DMD: variants seen among roughly 807,000 people sequenced by gnomAD.
DMD encodes dystrophin, also known as mutant dystrophin.
Under a neutral mutation model 330.1 loss-of-function variants are expected in DMD, and 63 were observed. That is an observed-to-expected ratio of 0.19 (90% CI 0.16 to 0.24). The LOEUF (loss-of-function observed/expected upper bound fraction) is 0.24. Among genes scored for constraint, DMD ranks in the 10% least tolerant of loss-of-function variants. The pLI is 1.00. For missense variants in DMD, 3,344 were observed against 2,684.1 expected (o/e 1.25, Z -5.43); for synonymous variants, 1,223 against 959.8 (o/e 1.27, Z -5.07).
At chrX:32,042,715 G>A (rs150928472) in intron 44 of DMD, among the ~76,000 whole-genome samples, 2,337 of 111,670 alleles carry the variant, frequency 0.021, 59 homozygotes, top group African/African-American at 0.072. Context: ...GGTTGCCTAC[G>A]GCTGTACAAG....
At chrX:33,224,420 C>T (rs1231740262) in intron 1 of DMD, among the ~76,000 whole-genome samples, 1 of 111,671 alleles carries the variant, frequency 9.0e-6, no homozygotes, top group African/African-American at 3.3e-5. Context: ...CATGAAAATA[C>T]ACTAAGGAAA....
intron 1 of DMD, among the ~76,000 whole-genome samples, chrX:33,301,171 G>C (rs1363453006): frequency 2.7e-5 from 3 of 111,179 alleles, no homozygotes; most frequent in African/African-American, 9.8e-5. Flanking sequence ...CTGATTTAGG[G>C]AGAAGCATGA....
chrX:32,787,232 G>GTGTGTGTT (rs2075438796), intron 7 of DMD, among the ~76,000 whole-genome samples: 1 of 100,471 alleles, frequency 1.0e-5, no homozygotes, highest in Non-Finnish European at 2.1e-5. Context: ...GTGTGTGTGT[G>GTGTGTGTT]TGTGTGTGTG....
intron 60 of DMD, among the ~76,000 whole-genome samples, chrX:31,360,456 T>C (rs1427407898): frequency 8.9e-6 from 1 of 112,117 alleles, no homozygotes; most frequent in African/African-American, 3.2e-5. Context: ...TTTTTGCCAT[T>C]GAAGGTAATG....
intron 34 of DMD, among the ~76,000 whole-genome samples, chrX:32,377,550 G>A (rs1304577025): frequency 8.9e-6 from 1 of 111,765 alleles, no homozygotes; most frequent in Non-Finnish European, 1.9e-5. Context: ...ACATACACAT[G>A]AATATGAAGC....
In DMD at chrX:31,126,817, A is replaced by C. The variant is rs1465111491; in HGVS notation, c.11015-144T>G. On this transcript the variant is annotated intron_variant, in intron 77 of 78. Coordinates refer to ENST00000357033, the MANE Select transcript of DMD (RefSeq NM_004006.3). ...ATTCTCTGCTGGAAAAAAAAAAAAAAAAAAAAACAGAAACAAAAAACCCAA... is the reference window on the plus strand; with the variant it reads ...ATTCTCTGCTGGAAAAAAAAAAAAACAAAAAAACAGAAACAAAAAACCCAA... 1.4e-5 allele frequency: 7 copies of C among 492,802 alleles called. 1 individual carries two copies. In the East Asian group the frequency reaches 2.2e-4, roughly 16 times the overall value. The allele number at this position is 492,802 out of a possible 1,213,427, so 40.6% of individuals were successfully genotyped here.
In DMD at chrX:31,841,724, G is replaced by A. The variant is rs758503325; in HGVS notation, c.7099-4905C>T. ...AGGGAACAACAAAGCCTGGATGATAGCACATCTCTTTACAGCATGGTTTAC... is the reference window on the plus strand; with the variant it reads ...AGGGAACAACAAAGCCTGGATGATAACACATCTCTTTACAGCATGGTTTAC... On this transcript the variant is annotated intron_variant, in intron 48 of 78. Coordinates refer to ENST00000357033, the MANE Select transcript of DMD (RefSeq NM_004006.3). Among the ~76,000 whole-genome samples, 8 of 112,400 alleles carry A rather than the reference G, an allele frequency of 7.1e-5. No homozygotes were observed. The South Asian group carries it at 3.0e-3, about 42-fold the overall frequency.
chrX:31,656,259 A>T (rs1238692356), intron 54 of DMD, among the ~76,000 whole-genome samples: 1 of 112,565 alleles, frequency 8.9e-6, no homozygotes, highest in Non-Finnish European at 1.9e-5. Flanking sequence ...AAGTAAGTAT[A>T]TGCATTCCTT....
At chrX:32,405,078 TGTC>T (rs981074908) in intron 30 of DMD, among the ~76,000 whole-genome samples, 1 of 111,360 alleles carries the variant, frequency 9.0e-6, no homozygotes, top group African/African-American at 3.3e-5. Context: ...TGATAGAAAA[TGTC>T]GTATGAAAAA....
At chrX:33,204,704 G>T (rs756067903) in intron 1 of DMD, among the ~76,000 whole-genome samples, 168 of 111,317 alleles carry the variant, frequency 1.5e-3, no homozygotes, top group Non-Finnish European at 2.7e-3. Flanking sequence ...GCACAAAATG[G>T]GCACTCAATA....
At chrX:33,012,676 A>G (rs2093723573) in intron 2 of DMD, among the ~76,000 whole-genome samples, 1 of 111,583 alleles carries the variant, frequency 9.0e-6, no homozygotes, top group Admixed American at 9.6e-5. Flanking sequence ...TACAGTATTC[A>G]ATCAATTACA....
At chrX:31,618,785 T>C (rs1450041060) in intron 55 of DMD, among the ~76,000 whole-genome samples, 1 of 112,047 alleles carries the variant, frequency 8.9e-6, no homozygotes, top group Non-Finnish European at 1.9e-5. Flanking sequence ...TAAATGCTCA[T>C]TGGAGTATTT....
At chrX:32,789,393 C>T (rs1242346445) in intron 7 of DMD, among the ~76,000 whole-genome samples, 1 of 111,986 alleles carries the variant, frequency 8.9e-6, no homozygotes, top group Non-Finnish European at 1.9e-5. Flanking sequence ...TATAAAAGGG[C>T]ATATCTCACA....
At chrX:32,669,706 C>T (rs141251416) in intron 9 of DMD, among the ~76,000 whole-genome samples, 15 of 111,481 alleles carry the variant, frequency 1.3e-4, no homozygotes, top group Non-Finnish European at 2.3e-4. Flanking sequence ...TCAGCATGGC[C>T]CTTTTTGGTT....
intron 44 of DMD, among the ~76,000 whole-genome samples, chrX:32,047,799 T>A (rs1387877910): frequency 1.8e-5 from 2 of 111,029 alleles, no homozygotes; most frequent in Non-Finnish European, 3.8e-5. Context: ...TGAGGGCTAA[T>A]TTTACACATA....
intron 19 of DMD, among the ~76,000 whole-genome samples, chrX:32,494,908 G>A (rs900061098): frequency 1.8e-5 from 2 of 111,146 alleles, no homozygotes; most frequent in Non-Finnish European, 3.8e-5. Context: ...CCAGGAGTTC[G>A]AGGCTGCACT....
At chrX:31,133,186 T>C (rs2034740935) in intron 77 of DMD, among the ~76,000 whole-genome samples, 2 of 111,889 alleles carry the variant, frequency 1.8e-5, no homozygotes, top group Non-Finnish European at 3.8e-5. Flanking sequence ...CTGCTGCCCG[T>C]CCCTCCCAGG....
intron 2 of DMD, among the ~76,000 whole-genome samples, chrX:32,876,642 T>C (rs1001248916): frequency 2.7e-5 from 3 of 112,368 alleles, no homozygotes; most frequent in African/African-American, 9.7e-5. Context: ...CTTGAAGTTG[T>C]TGTAGGTTTC....
chrX:31,313,750 C>G (rs1224507266), intron 62 of DMD, among the ~76,000 whole-genome samples: 1 of 110,034 alleles, frequency 9.1e-6, no homozygotes, highest in African/African-American at 3.3e-5. Flanking sequence ...AATTCTCCCC[C>G]CTCCCCTTTA....
Sources: gnomAD v4.1 joint callset for allele counts (sites outside exome capture counted in the v4.1 genomes callset) on GRCh38, gnomAD v4.1.1 for gene constraint, MANE v1.5 for transcripts, NCBI Gene and HGNC (gene_info 2026-07-23, HGNC 2026-07-21) for gene names.